Variants in PCDHGB1 observed in about 807,000 individuals in gnomAD.
PCDHGB1 encodes protocadherin gamma subfamily B, 1.
A neutral mutation model predicts 56.6 loss-of-function variants in PCDHGB1; 34 were observed. That is an observed-to-expected ratio of 0.60 (90% CI 0.46 to 0.80). The LOEUF is 0.80. PCDHGB1 is among the 30% of genes least tolerant of loss of function. The probability of loss-of-function intolerance (pLI) is 0.00; values close to 1 mark genes in which losing one functional copy is unlikely to be tolerated. For synonymous variants in PCDHGB1, 561 were observed against 505.9 expected (o/e 1.11, Z -1.46); for missense variants, 1,278 against 1,204.6 (o/e 1.06, Z -0.90).
intron 2 of PCDHGB1, among the ~76,000 whole-genome samples, chr5:141,501,052 A>G (rs1007055288): frequency 6.6e-6 from 1 of 151,988 alleles, no homozygotes; most frequent in Non-Finnish European, 1.5e-5. Flanking sequence ...TATTTTTAGT[A>G]GAGACGGGGT....
chr5:141,364,729 C>A, intron 1 of PCDHGB1: 2 of 1,613,898 alleles, frequency 1.2e-6, no homozygotes, highest in Non-Finnish European at 1.7e-6. Flanking sequence ...TCCCGCGTTT[C>A]CGGGATGAAG....
At chr5:141,414,117 A>T (rs764001135) in intron 1 of PCDHGB1, 2 of 1,592,602 alleles carry the variant, frequency 1.3e-6, no homozygotes, top group Non-Finnish European at 1.7e-6. Flanking sequence ...TAGATTATGA[A>T]GAAACCGGTT....
In PCDHGB1 at chr5:141,364,672, GAAA is replaced by G. The variant is rs1433905391; in HGVS notation, c.2409+12005_2409+12007del. On this transcript the variant is annotated intron_variant, in intron 1 of 3. Coordinates refer to ENST00000523390, the MANE Select transcript of PCDHGB1 (RefSeq NM_018922.3). ...TTAACATCTTGGTTGAGAACAAAAT[GAAA>G]ATTTATGGAGTAGAAGTAGAAATAA... 6 of 1,613,908 alleles carry G rather than the reference GAAA, an allele frequency of 3.7e-6. No individual in the cohort carries two copies. In the African/African-American group the frequency reaches 6.7e-5, roughly 18 times the overall value.
At chr5:141,379,918 T>C (rs1175326393) in intron 1 of PCDHGB1, among the ~76,000 whole-genome samples, 1 of 119,530 alleles carries the variant, frequency 8.4e-6, no homozygotes, top group Non-Finnish European at 1.7e-5. Context: ...TTTTTTTTTT[T>C]TGTCAGAGTC....
Position 141,386,707 on chromosome 5 carries a change from T to C in PCDHGB1, c.2409+34038T>C, listed in dbSNP as rs577728957. Among the ~76,000 whole-genome samples, 44 of 152,320 alleles carry C rather than the reference T, an allele frequency of 2.9e-4. No homozygotes were observed. The South Asian group carries it at 9.1e-3, about 32-fold the overall frequency. On this transcript the variant is annotated intron_variant, in intron 1 of 3. Transcript: ENST00000523390. ...AATCACTTGGGGTAGAAGACAATGT[T>C]GCTGACACCAACAATGTTACTGAGG... is the stretch of plus-strand genomic sequence containing the variant.
intron 1 of PCDHGB1, among the ~76,000 whole-genome samples, chr5:141,449,579 ACT>A (rs370512396): frequency 0.052 from 7,360 of 141,924 alleles, 400 homozygotes; most frequent in African/African-American, 0.14. Flanking sequence ...ACAGAGCAAG[ACT>A]CTGTCTCAAA....
At chr5:141,509,625 G>T (rs915049847) in intron 3 of PCDHGB1, among the ~76,000 whole-genome samples, 1 of 152,186 alleles carries the variant, frequency 6.6e-6, no homozygotes, top group Non-Finnish European at 1.5e-5. Flanking sequence ...AAGTTCCTGG[G>T]TGATGCTGAG....
In PCDHGB1 at chr5:141,350,954, G is replaced by A. The variant is rs755992665; in HGVS notation, c.694G>A (p.Ala232Thr). ...CCATATCTGGATCCGAGTTACGGAT[G>A]CCAATGATAATGCTCCCGTGTTTAG... ...TTHIWIRVTDANDNAPVFSQE... is the reference protein window; with the variant it reads ...TTHIWIRVTDTNDNAPVFSQE... The change falls in exon 1 of 4, where the codon GCC becomes ACC. Residue 232 changes from alanine (A) to threonine (T), a missense_variant. Transcript: ENST00000523390. The A allele has an allele frequency of 2.5e-6, 4 of 1,614,094 alleles. No individual in the cohort carries two copies. Among genetic ancestry groups the A allele is most frequent in the Non-Finnish European group, 3.4e-6 (4 of 1,179,902 alleles).
intron 1 of PCDHGB1, chr5:141,430,838 G>A (rs866767896): frequency 2.6e-6 from 4 of 1,562,908 alleles, no homozygotes; most frequent in Non-Finnish European, 3.5e-6. Context: ...GTGGGAGACC[G>A]GATGCACCCA....
rs1434955829 is a variant in PCDHGB1, at chr5:141,431,361, A to G, written c.2410-63446A>G. 3 of 1,614,002 alleles carry G rather than the reference A, an allele frequency of 1.9e-6. No homozygotes were observed. The highest frequency in any genetic ancestry group is 2.5e-6 in the Non-Finnish European group (3 of 1,180,034). On this transcript the variant is annotated intron_variant, in intron 1 of 3. Transcript: ENST00000523390. The surrounding 1 kb of genome is among the most constrained non-coding windows in gnomAD (Gnocchi z 4.8). ...GAATTGGTGCTGAAACGCGCCCTGG[A>G]CCGCGAAGAAAAGGCTGCTCACCAC...
intron 1 of PCDHGB1, chr5:141,395,735 A>T (rs1226671096): frequency 6.5e-6 from 1 of 153,508 alleles, no homozygotes; most frequent in East Asian, 1.9e-4. Context: ...TCTTCACTTT[A>T]AACCTCTTTT....
At chr5:141,380,987 C>G (rs1776914459) in intron 1 of PCDHGB1, among the ~76,000 whole-genome samples, 1 of 152,202 alleles carries the variant, frequency 6.6e-6, no homozygotes. Context: ...GAATTTAACT[C>G]CAGTTTACAG....
rs191354649 is a variant in PCDHGB1 at position 141,510,446 on chromosome 5, C to T, written c.2558-501C>T. 8.9e-4 allele frequency among the ~76,000 whole-genome samples: 135 copies of T among 152,154 alleles called. 1 individual carries two copies. Among genetic ancestry groups the T allele is most frequent in the Non-Finnish European group, 1.7e-3 (114 of 68,010 alleles). On this transcript the variant is annotated intron_variant, in intron 3 of 3. Coordinates refer to ENST00000523390, the MANE Select transcript of PCDHGB1 (RefSeq NM_018922.3). ...TTTCATGGCTGCTGCCCTCCAGGAG[C>T]CCATGGTCTAGTGTGGGAGTCAGAG...
At chr5:141,399,641 C>G in intron 1 of PCDHGB1, 1 of 1,613,852 alleles carries the variant, frequency 6.2e-7, no homozygotes, top group Non-Finnish European at 8.5e-7. Context: ...TCCATGAGCG[C>G]GCAAAGTGGG....
intron 1 of PCDHGB1, chr5:141,370,456 T>C (rs889377616): frequency 6.2e-7 from 1 of 1,611,944 alleles, no homozygotes; most frequent in African/African-American, 1.3e-5. Context: ...TTTCTCTTCC[T>C]GCTCTCTTTG....
chr5:141,365,401 T>G, intron 1 of PCDHGB1: 1 of 1,614,034 alleles, frequency 6.2e-7, no homozygotes, highest in Non-Finnish European at 8.5e-7. Flanking sequence ...GTTCGATCTC[T>G]GAAGACTGTC....
rs911594122 is a variant in PCDHGB1, at chr5:141,383,374, G to C, written c.2409+30705G>C. On this transcript the variant is annotated intron_variant, in intron 1 of 3. Transcript: ENST00000523390. ...TCGGTTTCCGTTAAGCGAGGCTGGGGATCCAGATGTGGGCACGAACTCCCT... is the reference window on the plus strand; with the variant it reads ...TCGGTTTCCGTTAAGCGAGGCTGGGCATCCAGATGTGGGCACGAACTCCCT... 1.2e-6 allele frequency: 2 copies of C among 1,613,910 alleles called. No homozygotes were observed. The highest frequency in any genetic ancestry group is 2.7e-5 in the African/African-American group (2 of 74,936).
At chr5:141,479,084 G>A (rs749298402) in intron 1 of PCDHGB1, among the ~76,000 whole-genome samples, 19 of 152,016 alleles carry the variant, frequency 1.2e-4, no homozygotes, top group Non-Finnish European at 1.9e-4. Flanking sequence ...GAAATTCCAG[G>A]CATCCTTTAA....
chr5:141,431,440 C>T lies in PCDHGB1; in HGVS notation c.2410-63367C>T. ...ACCCGGTGCGCACAGGCACCGCGCG[C>T]ATCCGCGTGATGGTTCTGGATGCGA... is the stretch of plus-strand genomic sequence containing the variant. On this transcript the variant is annotated intron_variant, in intron 1 of 3. Transcript: ENST00000523390. The surrounding 1 kb of genome is among the most constrained non-coding windows in gnomAD (Gnocchi z 4.8). 6.2e-7 allele frequency: 1 copy of T among 1,613,754 alleles called. No homozygotes were observed.
Sources: allele counts gnomAD v4.1 joint callset (sites outside exome capture counted in the v4.1 genomes callset), GRCh38; gene constraint gnomAD v4.1.1; non-coding constraint Gnocchi (gnomAD v3.1); transcripts MANE v1.5; gene names NCBI Gene and HGNC (gene_info 2026-07-23, HGNC 2026-07-21).